CSMD1: variants seen among roughly 807,000 people sequenced by gnomAD.
The protein encoded by CSMD1 is CUB and sushi domain-containing protein 1.
Under a neutral mutation model 417.5 loss-of-function variants are expected in CSMD1, and 213 were observed. The ratio of observed to expected loss-of-function variants is 0.51; its 90% CI spans 0.46 to 0.57. The LOEUF (loss-of-function observed/expected upper bound fraction) is 0.57, where lower values mean the gene tolerates loss of function less well. CSMD1 is among the 20% of genes least tolerant of loss of function. The probability of loss-of-function intolerance (pLI) is 0.00; values close to 1 mark genes in which losing one functional copy is unlikely to be tolerated. For synonymous variants in CSMD1, 2,862 were observed against 1,736.8 expected (o/e 1.65, Z -16.11); for missense variants, 6,923 against 4,529.7 (o/e 1.53, Z -15.17).
chr8:4,133,157 C>T lies in CSMD1; in HGVS notation c.416-101058G>A, dbSNP rs189946213. 6.7e-4 allele frequency among the ~76,000 whole-genome samples: 102 copies of T among 152,192 alleles called. No individual in the cohort carries two copies. In the East Asian group the frequency reaches 0.018, roughly 27 times the overall value. On this transcript the variant is annotated intron_variant, in intron 3 of 69. Transcript: ENST00000635120. ...TTCACCATATTGGCCAGGCTGGTCTCAAACTCCTGGCCTTGTGATCTGCCC... is the reference window on the plus strand; with the variant it reads ...TTCACCATATTGGCCAGGCTGGTCTTAAACTCCTGGCCTTGTGATCTGCCC...
chr8:3,638,776 A>G (rs1797167456), intron 7 of CSMD1, among the ~76,000 whole-genome samples: 1 of 152,220 alleles, frequency 6.6e-6, no homozygotes, highest in South Asian at 2.1e-4. Flanking sequence ...CCAAGAGAGA[A>G]ACCAGCATGC....
chr8:4,565,648 C>T (rs887880561), intron 2 of CSMD1, among the ~76,000 whole-genome samples: 3 of 150,872 alleles, frequency 2.0e-5, no homozygotes, highest in East Asian at 1.9e-4. Context: ...AGCAGGAGAA[C>T]CGTTTGAACC....
intron 5 of CSMD1, among the ~76,000 whole-genome samples, chr8:3,811,829 C>T (rs1477010533): frequency 6.6e-6 from 1 of 152,134 alleles, no homozygotes; most frequent in African/African-American, 2.4e-5. Flanking sequence ...TAAGGGTGTT[C>T]ATCTCCATTA....
chr8:3,354,875 ATATCTATAGATATGTCTATCTATAGATC>A lies in CSMD1; in HGVS notation c.3304+4249_3304+4276del, dbSNP rs1462449377. On this transcript the variant is annotated intron_variant, in intron 21 of 69. Coordinates refer to ENST00000635120, the MANE Select transcript of CSMD1 (RefSeq NM_033225.6). ...CCTCTCCCTATATATAGATATACAT[ATATCTATAGATATGTCTATCTATAGATC>A]TATCTATAGATATGTCTATCTATAG... Among the ~76,000 whole-genome samples, 565 of 71,524 alleles carry A rather than the reference ATATCTATAGATATGTCTATCTATAGATC, an allele frequency of 7.9e-3. 5 individuals carry two copies. The highest frequency in any genetic ancestry group is 0.011 in the Admixed American group (98 of 8,692). The allele number at this position is 71,524 out of a possible 152,430, so 46.9% of individuals were successfully genotyped here.
intron 5 of CSMD1, among the ~76,000 whole-genome samples, chr8:3,885,984 A>T (rs1420563555): frequency 6.6e-6 from 1 of 152,050 alleles, no homozygotes; most frequent in Admixed American, 6.6e-5. Flanking sequence ...ATTGATTCAA[A>T]TTATATATAT....
intron 52 of CSMD1, among the ~76,000 whole-genome samples, chr8:3,005,509 T>C (rs1028975232): frequency 6.6e-6 from 1 of 152,190 alleles, no homozygotes; most frequent in Non-Finnish European, 1.5e-5. Context: ...TGAACATTGA[T>C]GCAAAAATCC....
intron 2 of CSMD1, among the ~76,000 whole-genome samples, chr8:4,474,672 C>G (rs1800705653): frequency 2.6e-5 from 4 of 152,086 alleles, no homozygotes; most frequent in Admixed American, 2.6e-4. Context: ...TGACGTTGAA[C>G]AACAACGTGG....
chr8:3,246,373 T>A (rs1170271689), intron 26 of CSMD1, among the ~76,000 whole-genome samples: 2 of 152,216 alleles, frequency 1.3e-5, no homozygotes, highest in African/African-American at 4.8e-5. Flanking sequence ...CACCCTGAAA[T>A]GCCAGTTTCT....
intron 4 of CSMD1, among the ~76,000 whole-genome samples, chr8:4,030,548 T>C (rs1380058010): frequency 6.6e-6 from 1 of 152,156 alleles, no homozygotes; most frequent in African/African-American, 2.4e-5. Flanking sequence ...TGGGGACCCT[T>C]GGCCCGGCCC....
At chr8:3,876,988 C>G (rs1400519549) in intron 5 of CSMD1, among the ~76,000 whole-genome samples, 1 of 152,190 alleles carries the variant, frequency 6.6e-6, no homozygotes. Flanking sequence ...ACACAGATCT[C>G]AAGCAATAAC....
intron 12 of CSMD1, among the ~76,000 whole-genome samples, chr8:3,449,951 G>C (rs1215607352): frequency 2.6e-5 from 4 of 152,210 alleles, no homozygotes; most frequent in South Asian, 2.1e-4. Flanking sequence ...GACTCACACA[G>C]CTTGCCATAA....
chr8:4,578,805 C>T (rs1451159178), intron 2 of CSMD1, among the ~76,000 whole-genome samples: 4 of 129,248 alleles, frequency 3.1e-5, no homozygotes, highest in Non-Finnish European at 4.7e-5. Flanking sequence ...CAGAGATAGA[C>T]TCCACCTCAA....
At chr8:3,758,196 T>C (rs1240850539) in intron 5 of CSMD1, among the ~76,000 whole-genome samples, 1 of 152,110 alleles carries the variant, frequency 6.6e-6, no homozygotes, top group Non-Finnish European at 1.5e-5. Context: ...ACTCCTGACC[T>C]CAGGTGATCC....
At chr8:4,313,449 T>C (rs1415958243) in intron 3 of CSMD1, among the ~76,000 whole-genome samples, 3 of 147,500 alleles carry the variant, frequency 2.0e-5, no homozygotes, top group Non-Finnish European at 4.4e-5. Flanking sequence ...AATTCTCCTC[T>C]GAAAATGTTA....
chr8:3,590,285 A>AT (rs1358690078), intron 8 of CSMD1, among the ~76,000 whole-genome samples: 2 of 152,210 alleles, frequency 1.3e-5, no homozygotes, highest in East Asian at 3.9e-4. Flanking sequence ...AAATGATTAT[A>AT]TTTTTTCCTG....
intron 3 of CSMD1, among the ~76,000 whole-genome samples, chr8:4,286,838 T>G (rs1006342315): frequency 5.9e-5 from 9 of 152,220 alleles, no homozygotes; most frequent in Admixed American, 3.9e-4. Context: ...CTGTTGCTGT[T>G]TGTTATTAGG....
chr8:4,944,083 G>A lies in CSMD1; in HGVS notation c.85+50249C>T, dbSNP rs377292570. On this transcript the variant is annotated intron_variant, in intron 1 of 69. Coordinates refer to ENST00000635120, the MANE Select transcript of CSMD1 (RefSeq NM_033225.6). Reference sequence around the variant, plus strand: ...GAAGATGTTTGATAGACAGGAGGAAGTTTGGAGTAGAAGGAAAGGCAGATT... The same window carrying A: ...GAAGATGTTTGATAGACAGGAGGAAATTTGGAGTAGAAGGAAAGGCAGATT... Among the ~76,000 whole-genome samples, 7 of 152,302 alleles carry A rather than the reference G, an allele frequency of 4.6e-5. 1 individual carries two copies. The South Asian group carries it at 6.2e-4, about 14-fold the overall frequency.
intron 2 of CSMD1, among the ~76,000 whole-genome samples, chr8:4,443,946 C>T (rs1000533070): frequency 4.6e-5 from 7 of 152,010 alleles, no homozygotes; most frequent in East Asian, 1.9e-4. Context: ...TGCATATATT[C>T]GTGTGTGATA....
intron 7 of CSMD1, among the ~76,000 whole-genome samples, chr8:3,651,999 C>T (rs970205250): frequency 2.0e-5 from 3 of 148,194 alleles, no homozygotes; most frequent in Admixed American, 6.7e-5. Context: ...ATTACACATA[C>T]CATCAGTGCG....
Sources: gnomAD v4.1 joint callset for allele counts (sites outside exome capture counted in the v4.1 genomes callset) on GRCh38, gnomAD v4.1.1 for gene constraint, MANE v1.5 for transcripts, NCBI Gene and HGNC (gene_info 2026-07-23, HGNC 2026-07-21) for gene names.